Variants in SNRPN observed in about 807,000 individuals in gnomAD.
The protein encoded by SNRPN is small nuclear ribonucleoprotein polypeptide N.
A neutral mutation model predicts 25.2 loss-of-function variants in SNRPN; 7 were observed. That is an observed-to-expected ratio of 0.28 (90% CI 0.16 to 0.52). The LOEUF (loss-of-function observed/expected upper bound fraction) is 0.52. SNRPN is among the 20% of genes least tolerant of loss of function. The pLI is 0.96. For missense variants in SNRPN, 196 were observed against 322.5 expected (o/e 0.61, Z 3.00); for synonymous variants, 124 against 110.6 (o/e 1.12, Z -0.76).
intron 1 of SNRPN, among the ~76,000 whole-genome samples, chr15:24,870,658 A>G (rs1253897315): frequency 1.3e-5 from 2 of 149,984 alleles, no homozygotes; most frequent in Non-Finnish European, 3.0e-5. Flanking sequence ...TTGGACCTTT[A>G]GATGCAGAAT....
chr15:24,952,133 A>C (rs2062330454), upstream of SNRPN, among the ~76,000 whole-genome samples: 1 of 152,172 alleles, frequency 6.6e-6, no homozygotes, highest in South Asian at 2.1e-4. Context: ...TATCACATTT[A>C]TACATAGGTA....
intron 2 of SNRPN, among the ~76,000 whole-genome samples, chr15:24,916,658 A>G (rs980232320): frequency 6.6e-6 from 1 of 152,222 alleles, no homozygotes; most frequent in African/African-American, 2.4e-5. Context: ...GGTAGATCAT[A>G]TAATGGTAAC....
At chr15:24,940,112 A>G (rs779924889) in intron 3 of SNRPN, among the ~76,000 whole-genome samples, 4 of 152,042 alleles carry the variant, frequency 2.6e-5, no homozygotes, top group Non-Finnish European at 4.4e-5. Flanking sequence ...ATCTATTCGG[A>G]CTATTAACAT....
At chr15:24,879,812 A>G (rs2056404465) in intron 1 of SNRPN, among the ~76,000 whole-genome samples, 1 of 152,182 alleles carries the variant, frequency 6.6e-6, no homozygotes, top group Non-Finnish European at 1.5e-5. Flanking sequence ...GTTGCAAGAG[A>G]CAGAATGACC....
intron 2 of SNRPN, among the ~76,000 whole-genome samples, chr15:24,843,319 T>G (rs769685645): frequency 1.3e-5 from 2 of 152,176 alleles, no homozygotes; most frequent in Non-Finnish European, 2.9e-5. Context: ...GGAAAATAGA[T>G]CTTAGCGCTG....
At chr15:24,933,898 C>T (rs181563979) in intron 3 of SNRPN, among the ~76,000 whole-genome samples, 15 of 152,136 alleles carry the variant, frequency 9.9e-5, no homozygotes, top group Admixed American at 4.6e-4. Flanking sequence ...GGACTGACTC[C>T]GTCTGTATTA....
chr15:24,865,496 A>T (rs537195900), intron 1 of SNRPN, among the ~76,000 whole-genome samples: 1 of 152,292 alleles, frequency 6.6e-6, no homozygotes, highest in East Asian at 1.9e-4. Context: ...TACTGAAATC[A>T]GTCTCTTGTG....
At chr15:24,834,747 CTCTCTA>C (rs1177609333) in intron 2 of SNRPN, among the ~76,000 whole-genome samples, 6 of 74,086 alleles carry the variant, frequency 8.1e-5, no homozygotes, top group South Asian at 4.2e-4. Context: ...CTCTCTCTCT[CTCTCTA>C]TATATATATA....
At chr15:24,863,602 A>G (rs1595531043) in intron 1 of SNRPN, among the ~76,000 whole-genome samples, 1 of 150,874 alleles carries the variant, frequency 6.6e-6, no homozygotes, top group Non-Finnish European at 1.5e-5. Context: ...AGCAAAATTG[A>G]CCAAAATTCC....
chr15:24,884,729 A>G (rs745781651), intron 1 of SNRPN, among the ~76,000 whole-genome samples: 1 of 152,170 alleles, frequency 6.6e-6, no homozygotes, highest in Non-Finnish European at 1.5e-5. Flanking sequence ...TTATTTTGAT[A>G]TGAGAAACAA....
At chr15:24,866,543 G>A (rs897981300) in intron 1 of SNRPN, among the ~76,000 whole-genome samples, 1 of 152,080 alleles carries the variant, frequency 6.6e-6, no homozygotes. Flanking sequence ...GACTACAGGT[G>A]CACACCACCA....
At chr15:24,903,681 G>A (rs1292850904) in intron 2 of SNRPN, among the ~76,000 whole-genome samples, 3 of 152,190 alleles carry the variant, frequency 2.0e-5, no homozygotes, top group Admixed American at 2.0e-4. Context: ...GTTGGTATAA[G>A]CAGCTGCTAG....
chr15:24,847,667 G>C (rs910994987), intron 2 of SNRPN, among the ~76,000 whole-genome samples: 5 of 152,140 alleles, frequency 3.3e-5, no homozygotes, highest in African/African-American at 1.2e-4. Flanking sequence ...TGCTGCAGGG[G>C]TCAGTGGTGA....
At chr15:24,954,537 A>G (rs1298185678), upstream of SNRPN, among the ~76,000 whole-genome samples, 3 of 152,058 alleles carry the variant, frequency 2.0e-5, no homozygotes, top group Non-Finnish European at 4.4e-5. Context: ...AGTTAGGGAT[A>G]TTTTCTTTTG....
rs2076823444 is a variant in SNRPN at position 24,974,398 on chromosome 15, G to A, written c.-56G>A. The A allele has an allele frequency of 1.3e-6, 2 of 1,573,180 alleles. No homozygotes were observed. Among genetic ancestry groups the A allele is most frequent in the Middle Eastern group, 1.7e-4 (1 of 5,982 alleles). On this transcript the variant is annotated 5_prime_UTR_variant, in exon 4 of 10. Coordinates refer to ENST00000390687, the MANE Select transcript of SNRPN (RefSeq NM_003097.6). ...ACCTTTATCTATAGCCTTCCCCTAG[G>A]TCTTCAGAAGCATCAAGTTTTAACT...
intron 1 of SNRPN, among the ~76,000 whole-genome samples, chr15:24,828,988 G>GTT (rs1555375670): frequency 6.6e-6 from 1 of 152,064 alleles, no homozygotes; most frequent in Non-Finnish European, 1.5e-5. Flanking sequence ...GGGAAAAAAA[G>GTT]AAACATGTTC....
rs2077133841 is a variant in SNRPN, at chr15:24,977,045, A to G, written c.420+16A>G. On this transcript the variant is annotated intron_variant, in intron 7 of 9. Transcript: ENST00000390687. The stretch of plus-strand genomic sequence containing the variant: ...ATCCCAGCAGGTGAGGAACCAGCAG[A>G]GGGTTTTATATTATTGGGAGAATAT... 1.2e-5 allele frequency: 19 copies of G among 1,546,866 alleles called. No individual in the cohort carries two copies. The highest frequency in any genetic ancestry group is 1.7e-5 in the Non-Finnish European group (19 of 1,150,574).
intron 2 of SNRPN, chr15:24,911,238 T>G: frequency 4.5e-6 from 2 of 446,740 alleles, no homozygotes; most frequent in Non-Finnish European, 7.8e-6. Context: ...AAGAATTTTT[T>G]AAATAAGTTC....
chr15:24,839,920 G>A (rs991277510), intron 2 of SNRPN, among the ~76,000 whole-genome samples: 4 of 152,200 alleles, frequency 2.6e-5, no homozygotes, highest in African/African-American at 9.6e-5. Context: ...TGAAGTCTAT[G>A]GAGCCTGTCT....
Sources: allele counts gnomAD v4.1 joint callset (sites outside exome capture counted in the v4.1 genomes callset), GRCh38; gene constraint gnomAD v4.1.1; transcripts MANE v1.5; gene names NCBI Gene and HGNC (gene_info 2026-07-23, HGNC 2026-07-21).